Variants in PARD3B observed in about 807,000 individuals in gnomAD.
PARD3B encodes the protein par-3 family cell polarity regulator beta.
Under a neutral mutation model 130.2 loss-of-function variants are expected in PARD3B, and 103 were observed. The observed-to-expected ratio is 0.79, with a 90% CI of 0.67 to 0.93. The LOEUF is 0.93. Ranked by LOEUF, PARD3B falls within the 40% of genes least tolerant of loss-of-function variation. The probability of loss-of-function intolerance (pLI) is 0.00; values close to 1 mark genes in which losing one functional copy is unlikely to be tolerated. For synonymous variants in PARD3B, 583 were observed against 553.2 expected, an observed-to-expected ratio of 1.05 and a Z score of -0.76; for missense variants, 1,609 against 1,499.2, an observed-to-expected ratio of 1.07 and a Z score of -1.21.
At chr2:204,996,458 G>A (rs1246664116) in intron 3 of PARD3B, among the ~76,000 whole-genome samples, 1 of 152,202 alleles carries the variant, frequency 6.6e-6, no homozygotes, top group Non-Finnish European at 1.5e-5. Flanking sequence ...CCAGCTGCGT[G>A]CTGGGAGAAC....
chr2:205,095,795 G>T (rs568615513), intron 4 of PARD3B, among the ~76,000 whole-genome samples: 1 of 152,024 alleles, frequency 6.6e-6, no homozygotes, highest in African/African-American at 2.4e-5. Flanking sequence ...AGCAGGTAAA[G>T]GGTATAATTT....
chr2:204,581,490 A>G (rs576631472), intron 1 of PARD3B, among the ~76,000 whole-genome samples: 52 of 152,224 alleles, frequency 3.4e-4, no homozygotes, highest in African/African-American at 1.2e-3. Flanking sequence ...TCACTGGAGA[A>G]AGGAACAGTG....
chr2:204,549,343 G>C (rs1243877686), intron 1 of PARD3B, among the ~76,000 whole-genome samples: 1 of 152,200 alleles, frequency 6.6e-6, no homozygotes, highest in Non-Finnish European at 1.5e-5. Context: ...GAAGTTGTTA[G>C]TGGAGAAGTG....
At chr2:204,853,175 A>G (rs1319039296) in intron 2 of PARD3B, among the ~76,000 whole-genome samples, 2 of 152,134 alleles carry the variant, frequency 1.3e-5, no homozygotes, top group African/African-American at 4.8e-5. Flanking sequence ...AGGTATTACT[A>G]TATTCTAGCT....
chr2:205,367,622 A>G (rs780797016), intron 18 of PARD3B, among the ~76,000 whole-genome samples: 14 of 152,182 alleles, frequency 9.2e-5, no homozygotes, highest in Admixed American at 3.3e-4. Flanking sequence ...AAACAAGAAG[A>G]TTGGGAGTAT....
At chr2:204,730,784 A>G (rs2039477407) in intron 2 of PARD3B, among the ~76,000 whole-genome samples, 1 of 152,180 alleles carries the variant, frequency 6.6e-6, no homozygotes, top group African/African-American at 2.4e-5. Flanking sequence ...ATAAATTGAC[A>G]GTGATAAAAC....
intron 10 of PARD3B, among the ~76,000 whole-genome samples, chr2:205,134,310 C>G (rs2032281135): frequency 6.6e-6 from 1 of 151,394 alleles, no homozygotes; most frequent in African/African-American, 2.4e-5. Context: ...ATTGCTTGAA[C>G]CCAGGAGTTT....
chr2:205,308,345 G>A (rs576904589), intron 18 of PARD3B, among the ~76,000 whole-genome samples: 2 of 151,948 alleles, frequency 1.3e-5, no homozygotes, highest in Admixed American at 6.6e-5. Context: ...GGTGGCTCTC[G>A]CCTGTAATCC....
Position 205,287,124 on chromosome 2 carries a change from A to T in PARD3B, c.2186-13406A>T, listed in dbSNP as rs1369396414. Reference sequence around the variant, plus strand: ...TTCTCACTGGTGTGGTTAGCTCTGTACTCACCATTCCTTCACCAGCAGTCT... The same window carrying T: ...TTCTCACTGGTGTGGTTAGCTCTGTTCTCACCATTCCTTCACCAGCAGTCT... On this transcript the variant is annotated intron_variant, in intron 16 of 22. Transcript: ENST00000406610. This position sits in a 1 kb window ranked among gnomAD's most constrained non-coding sequence, Gnocchi z 4.8. Among the ~76,000 whole-genome samples, 1 of 152,126 alleles carries T rather than the reference A, an allele frequency of 6.6e-6. No individual in the cohort carries two copies. The highest frequency in any genetic ancestry group is 1.5e-5 in the Non-Finnish European group (1 of 68,008).
intron 1 of PARD3B, among the ~76,000 whole-genome samples, chr2:204,592,194 G>A (rs975848206): frequency 1.5e-4 from 23 of 152,336 alleles, no homozygotes; most frequent in Admixed American, 1.5e-3. Flanking sequence ...GGAAACTAGA[G>A]TACTTTACAA....
intron 2 of PARD3B, among the ~76,000 whole-genome samples, chr2:204,903,284 T>C (rs2046932802): frequency 6.6e-6 from 1 of 152,238 alleles, no homozygotes; most frequent in Admixed American, 6.5e-5. Context: ...AACTTTCTTA[T>C]GACTCAGAGT....
At chr2:205,400,901 C>A in intron 18 of PARD3B, 112 bp from the exon 19 acceptor site, 1 of 704,426 alleles carries the variant, frequency 1.4e-6, no homozygotes, top group Non-Finnish European at 2.4e-6. Context: ...ATGATCTTGA[C>A]TTACTTAGAA....
chr2:204,625,930 T>C (rs929109185), intron 1 of PARD3B, among the ~76,000 whole-genome samples: 2 of 152,134 alleles, frequency 1.3e-5, no homozygotes, highest in African/African-American at 4.8e-5. Flanking sequence ...AAATTTGAGA[T>C]TGGTTCACTT....
intron 22 of PARD3B, among the ~76,000 whole-genome samples, chr2:205,594,589 C>T (rs2054503663): frequency 6.6e-6 from 1 of 152,182 alleles, no homozygotes; most frequent in African/African-American, 2.4e-5. Context: ...AAGTCCCTTC[C>T]TCAAGAGCAT....
chr2:204,923,034 G>T (rs1559262912), intron 2 of PARD3B, among the ~76,000 whole-genome samples: 1 of 152,206 alleles, frequency 6.6e-6, no homozygotes, highest in East Asian at 1.9e-4. Context: ...GCCTATGTCT[G>T]TCTGCCTCTT....
chr2:204,663,087 T>A (rs1453881366), intron 1 of PARD3B, among the ~76,000 whole-genome samples: 1 of 152,222 alleles, frequency 6.6e-6, no homozygotes, highest in African/African-American at 2.4e-5. Flanking sequence ...TGCCACATTT[T>A]AGTAATTCCT....
intron 1 of PARD3B, among the ~76,000 whole-genome samples, chr2:204,659,203 T>C (rs1209556934): frequency 6.6e-6 from 1 of 152,198 alleles, no homozygotes; most frequent in Non-Finnish European, 1.5e-5. Context: ...TTTTCTAGGT[T>C]GGAAGAACCT....
chr2:204,881,262 T>C (rs922790135), intron 2 of PARD3B, among the ~76,000 whole-genome samples: 1 of 152,314 alleles, frequency 6.6e-6, no homozygotes, highest in African/African-American at 2.4e-5. Flanking sequence ...TGTATCTATG[T>C]CTATGTAAAA....
chr2:204,671,268 C>A (rs79406972), intron 1 of PARD3B, among the ~76,000 whole-genome samples: 2,312 of 152,236 alleles, frequency 0.015, 28 homozygotes, highest in Non-Finnish European at 0.023. Flanking sequence ...CAGCCCTTCT[C>A]TGTGCCTGAT....
Sources: gnomAD v4.1 joint callset for allele counts (sites outside exome capture counted in the v4.1 genomes callset) on GRCh38, gnomAD v4.1.1 for gene constraint, Gnocchi (gnomAD v3.1) non-coding constraint, MANE v1.5 for transcripts, NCBI Gene and HGNC (gene_info 2026-07-23, HGNC 2026-07-21) for gene names.